Variants in ZBTB10 observed in about 807,000 individuals in gnomAD.
ZBTB10 encodes zinc finger and BTB domain-containing protein 10.
A neutral mutation model predicts 76.4 loss-of-function variants in ZBTB10; 32 were observed. The observed-to-expected ratio is 0.42, with a 90% confidence interval of 0.32 to 0.56. The LOEUF is 0.56. Among genes scored for constraint, ZBTB10 ranks in the 20% least tolerant of loss-of-function variants. The pLI is 0.14. For synonymous variants in ZBTB10, 523 were observed against 432.9 expected (o/e 1.21, Z -2.58); for missense variants, 1,057 against 1,098.5 (o/e 0.96, Z 0.53).
chr8:80,488,133 C>T (rs188870279), intron 1 of ZBTB10, among the ~76,000 whole-genome samples: 2 of 152,272 alleles, frequency 1.3e-5, no homozygotes, highest in African/African-American at 4.8e-5. Flanking sequence ...ATTTTATTAG[C>T]TGTGATTTTA....
Position 80,519,531 on chromosome 8 carries a change from G to T in ZBTB10, c.*3G>T. The T allele has an allele frequency of 6.2e-7, 1 of 1,604,642 alleles. No homozygotes were observed. Among genetic ancestry groups the T allele is most frequent in the South Asian group, 1.1e-5 (1 of 89,034 alleles). On this transcript the variant is annotated 3_prime_UTR_variant, in exon 6 of 6. Transcript: ENST00000455036. ...TTTGTATGTCTCTAGATGATTAACT[G>T]ACCTACTATACTCCTCAAGGATGCT...
At chr8:80,486,024 T>C (rs1473743030), upstream of ZBTB10, 2 of 808,694 alleles carry the variant, frequency 2.5e-6, no homozygotes, top group Admixed American at 5.9e-5. Flanking sequence ...CCCCAACCCC[T>C]CGGCCGACTT....
At chr8:80,510,196 T>C (rs1222012016) in intron 2 of ZBTB10, among the ~76,000 whole-genome samples, 1 of 152,214 alleles carries the variant, frequency 6.6e-6, no homozygotes, top group Non-Finnish European at 1.5e-5. Flanking sequence ...TTTATTTTTG[T>C]TCATTTCACA....
chr8:80,496,805 C>G (rs1815794340), intron 1 of ZBTB10, among the ~76,000 whole-genome samples: 1 of 152,194 alleles, frequency 6.6e-6, no homozygotes, highest in Admixed American at 6.5e-5. Context: ...TCACTGCTTC[C>G]ACAAACAGTT....
intron 2 of ZBTB10, among the ~76,000 whole-genome samples, chr8:80,500,970 G>C (rs952433267): frequency 1.3e-5 from 2 of 152,076 alleles, no homozygotes; most frequent in Admixed American, 1.3e-4. Flanking sequence ...AGGTTCAAAC[G>C]ATTCTCCTGC....
Position 80,486,796 on chromosome 8 carries a change from G to C in ZBTB10, c.-15G>C. 7.1e-7 allele frequency: 1 copy of C among 1,407,936 alleles called. No homozygotes were observed. The highest frequency in any genetic ancestry group is 9.2e-7 in the Non-Finnish European group (1 of 1,086,174). 87.2% of individuals were successfully genotyped at this position (1,407,936 alleles called of 1,614,324 possible). Reference sequence around the variant, plus strand: ...CGAGCCGGGGCACCGGGCGGCGGCGGCGGCGGCGCGCGCCATGTCGTTCAG... The same window carrying C: ...CGAGCCGGGGCACCGGGCGGCGGCGCCGGCGGCGCGCGCCATGTCGTTCAG... On this transcript the variant is annotated 5_prime_UTR_variant, in exon 1 of 6. Transcript: ENST00000455036.
intron 2 of ZBTB10, among the ~76,000 whole-genome samples, chr8:80,510,179 A>G (rs1031130283): frequency 6.6e-6 from 1 of 152,198 alleles, no homozygotes; most frequent in African/African-American, 2.4e-5. Flanking sequence ...ACAGAGTGGA[A>G]TTAATGTTTA....
Position 80,519,380 on chromosome 8 carries a change from G to C in ZBTB10, c.2468G>C (p.Gly823Ala). ...QPGGQEGVDQ[G>A]QDTEFPRDEE... The stretch of plus-strand genomic sequence containing the variant: ...GGAGGGCAAGAAGGTGTAGATCAGG[G>C]ACAGGATACAGAATTCCCTCGGGAT... Residue 823 changes from glycine to alanine, a missense_variant, in exon 6 of 6, where the codon GGA (glycine) becomes GCA (alanine). Transcript: ENST00000455036. 1.2e-6 allele frequency: 2 copies of C among 1,611,810 alleles called. No individual in the cohort carries two copies. The highest frequency in any genetic ancestry group is 1.7e-6 in the Non-Finnish European group (2 of 1,179,090).
At chr8:80,514,068 C>T (rs1304804709) in intron 3 of ZBTB10, 60 bp downstream of exon 3, 4 of 1,447,126 alleles carry the variant, frequency 2.8e-6, no homozygotes, top group African/African-American at 2.8e-5. Flanking sequence ...TACATCTTAC[C>T]TGCAGCCTAG....
chr8:80,494,896 GC>G (rs1449416093), intron 1 of ZBTB10, among the ~76,000 whole-genome samples: 1 of 145,740 alleles, frequency 6.9e-6, no homozygotes, highest in Non-Finnish European at 1.5e-5. Flanking sequence ...CTGCACTCCA[GC>G]CTGGGTGACA....
chr8:80,486,461 C>G lies in ZBTB10; in HGVS notation c.-350C>G. The G allele has an allele frequency of 1.0e-6, 1 of 985,114 alleles. No individual in the cohort carries two copies. 61.0% of individuals were successfully genotyped at this position (985,114 alleles called of 1,614,324 possible). On this transcript the variant is annotated 5_prime_UTR_variant, in exon 1 of 6. Transcript: ENST00000455036. Reference sequence around the variant, plus strand: ...GGCAGCGGAGGGTCTCCCCGCACTCCGCTGCTCAACTTCGAAGGCCTCGCT... The same window carrying G: ...GGCAGCGGAGGGTCTCCCCGCACTCGGCTGCTCAACTTCGAAGGCCTCGCT...
Position 80,500,157 on chromosome 8 carries a change from A to G in ZBTB10, c.1636A>G (p.Met546Val), listed in dbSNP as rs901604175. 6.2e-7 allele frequency: 1 copy of G among 1,613,130 alleles called. No individual in the cohort carries two copies. The highest frequency in any genetic ancestry group is 1.7e-5 in the Admixed American group (1 of 59,832). ...SSWVQDGSPE[M>V]AENESEGQTK... ...TTGGGTCCAGGATGGATCTCCTGAA[A>G]TGGCTGAAAATGAATCTGAAGGTCA... Residue 546 changes from methionine to valine, a missense_variant, in exon 2 of 6, where the codon ATG (methionine) becomes GTG (valine). Met to Val is a conservative substitution (Grantham distance 21). Transcript: ENST00000455036.
At position 80,499,921 on chromosome 8, in the gene ZBTB10, T is replaced by A; in HGVS notation, c.1400T>A (p.Ile467Asn). The change falls in exon 2 of 6, where the codon ATT (isoleucine) becomes AAT (asparagine). Residue 467 changes from isoleucine (I) to asparagine (N), a missense_variant. Ile to Asn is a moderately radical substitution (Grantham distance 149). Coordinates refer to ENST00000455036, the MANE Select transcript of ZBTB10 (RefSeq NM_001105539.3). The stretch of plus-strand genomic sequence containing the variant: ...ATTAAAGATGCCTTAAATATAAGCA[T>A]TAAATCAGAAGCTCCAGAGTCTGTA... ...NFIKDALNIS[I>N]KSEAPESVVV... 1 of 1,613,870 alleles carries A rather than the reference T, an allele frequency of 6.2e-7. No individual in the cohort carries two copies. The highest frequency in any genetic ancestry group is 1.1e-5 in the South Asian group (1 of 91,070).
chr8:80,491,428 A>T (rs894046409), intron 1 of ZBTB10, among the ~76,000 whole-genome samples: 3 of 152,220 alleles, frequency 2.0e-5, no homozygotes, highest in Non-Finnish European at 2.9e-5. Context: ...TCGTTAAGTG[A>T]TGCATAACTG....
At chr8:80,507,848 CCTCAGCCT>C (rs1563463774) in intron 2 of ZBTB10, among the ~76,000 whole-genome samples, 1 of 152,190 alleles carries the variant, frequency 6.6e-6, no homozygotes, top group Non-Finnish European at 1.5e-5. Flanking sequence ...TCTCCTCCTG[CCTCAGCCT>C]CCCAGAGTGC....
Position 80,487,156 on chromosome 8 carries a change from G to A in ZBTB10, c.346G>A (p.Ala116Thr). The change falls in exon 1 of 6, where the codon GCG (alanine) becomes ACG (threonine). Residue 116 changes from alanine (A) to threonine (T), a missense_variant. By Grantham distance (58) the Ala-to-Thr change is moderately conservative. Transcript: ENST00000455036. ...LGGGAGGPLLAERNRRTLAFR... is the reference protein window; with the variant it reads ...LGGGAGGPLLTERNRRTLAFR... ...CGGTGGCGCGGGGGGCCCCCTGCTA[G>A]CGGAAAGGAACCGTCGGACTCTGGC... The A allele has an allele frequency of 6.6e-7, 1 of 1,518,838 alleles. No homozygotes were observed. The highest frequency in any genetic ancestry group is 8.8e-7 in the Non-Finnish European group (1 of 1,135,782). The allele number at this position is 1,518,838 out of a possible 1,614,324, so 94.1% of individuals were successfully genotyped here.
rs73257178 is a variant in ZBTB10, at chr8:80,513,775, G to T, written c.1862-135G>T. On this transcript the variant is annotated intron_variant, in intron 2 of 5. Coordinates refer to ENST00000455036, the MANE Select transcript of ZBTB10 (RefSeq NM_001105539.3). The stretch of plus-strand genomic sequence containing the variant: ...GTCTTAGGCTTCTGTGAGCCTTGTA[G>T]TATTGAACACAGTAGATAATTCATT... 1,289 of 683,634 alleles carry T rather than the reference G, an allele frequency of 1.9e-3. 12 individuals are homozygous for T. Among genetic ancestry groups the T allele is most frequent in the African/African-American group, 0.018 (1,024 of 56,030 alleles). 42.3% of individuals were successfully genotyped at this position (683,634 alleles called of 1,614,324 possible).
rs1816540027 is a variant in ZBTB10 at position 80,525,309 on chromosome 8, T to G, written c.*5781T>G. On this transcript the variant is annotated 3_prime_UTR_variant, in exon 6 of 6. Coordinates refer to ENST00000455036, the MANE Select transcript of ZBTB10 (RefSeq NM_001105539.3). ...AACTATAGAAATCTATTCAGCTAAT[T>G]AAAGTGAATGAAAAATATTACAGAT... 1 of 152,108 alleles carries G rather than the reference T, an allele frequency of 6.6e-6. No individual in the cohort carries two copies. Among genetic ancestry groups the G allele is most frequent in the African/African-American group, 2.4e-5 (1 of 41,424 alleles). The allele number at this position is 152,108 out of a possible 1,614,324, so 9.4% of individuals were successfully genotyped here. A position where few individuals can be genotyped will look rare whatever the true frequency, so the allele number is the denominator to read the frequency against.
intron 2 of ZBTB10, among the ~76,000 whole-genome samples, chr8:80,503,335 A>C (rs1815971573): frequency 6.6e-6 from 1 of 152,156 alleles, no homozygotes. Flanking sequence ...ACCAAATGCC[A>C]GATAGATGGT....
Sources: gnomAD v4.1 joint callset for allele counts (sites outside exome capture counted in the v4.1 genomes callset) on GRCh38, gnomAD v4.1.1 for gene constraint, MANE v1.5 for transcripts, NCBI Gene and HGNC (gene_info 2026-07-23, HGNC 2026-07-21) for gene names.